Variants in NT5DC1 observed in about 807,000 individuals in gnomAD.
The protein encoded by NT5DC1 is 5'-nucleotidase domain-containing protein 1.
NT5DC1 carries 42 observed loss-of-function variants against 59.4 expected under a neutral mutation model. The observed-to-expected ratio is 0.71, with a 90% confidence interval of 0.55 to 0.92. The LOEUF (loss-of-function observed/expected upper bound fraction) is 0.92. Among genes scored for constraint, NT5DC1 ranks in the 40% least tolerant of loss-of-function variants. NT5DC1 has a pLI of 0.00. For synonymous variants in NT5DC1, 172 were observed against 188.1 expected (o/e 0.91, Z 0.70); for missense variants, 501 against 537.1 (o/e 0.93, Z 0.66).
intron 6 of NT5DC1, among the ~76,000 whole-genome samples, chr6:116,143,415 T>C (rs1023889713): frequency 1.3e-5 from 2 of 152,182 alleles, no homozygotes; most frequent in Non-Finnish European, 1.5e-5. Context: ...TGTTTCACCA[T>C]GTTGGCCAGG....
chr6:116,115,260 G>C (rs1405140155), intron 4 of NT5DC1, among the ~76,000 whole-genome samples: 4 of 151,950 alleles, frequency 2.6e-5, no homozygotes, highest in Non-Finnish European at 2.9e-5. Context: ...ATAGAATACA[G>C]TACTCTAGGA....
chr6:116,152,451 A>G (rs1353646013), intron 6 of NT5DC1, among the ~76,000 whole-genome samples: 1 of 152,072 alleles, frequency 6.6e-6, no homozygotes, highest in Non-Finnish European at 1.5e-5. Flanking sequence ...TGTGTCCTCT[A>G]GCTTTAAACT....
intron 6 of NT5DC1, among the ~76,000 whole-genome samples, chr6:116,190,260 CTATG>C (rs1321111576): frequency 6.6e-6 from 1 of 151,956 alleles, no homozygotes; most frequent in African/African-American, 2.4e-5. Flanking sequence ...TTTAAATTAT[CTATG>C]TATTTTTTCT....
chr6:116,129,635 T>C (rs1779415032), intron 6 of NT5DC1, among the ~76,000 whole-genome samples: 1 of 152,202 alleles, frequency 6.6e-6, no homozygotes, highest in African/African-American at 2.4e-5. Context: ...TGCCATCCTC[T>C]TGGACTTCCT....
intron 6 of NT5DC1, among the ~76,000 whole-genome samples, chr6:116,129,542 T>C (rs889378969): frequency 6.6e-6 from 1 of 152,176 alleles, no homozygotes; most frequent in Non-Finnish European, 1.5e-5. Context: ...CCCCTTTTGC[T>C]CTCTTGCACA....
intron 8 of NT5DC1, among the ~76,000 whole-genome samples, chr6:116,230,934 C>T (rs1782006009): frequency 6.6e-6 from 1 of 151,940 alleles, no homozygotes; most frequent in African/African-American, 2.4e-5. Flanking sequence ...TAGTCAACCC[C>T]ATCTCCACTA....
intron 6 of NT5DC1, among the ~76,000 whole-genome samples, chr6:116,219,975 A>C (rs897948319): frequency 3.3e-5 from 5 of 149,580 alleles, no homozygotes; most frequent in East Asian, 1.9e-4. Context: ...AAAAAAAAAA[A>C]AAAAAAAAAC....
At chr6:116,142,295 A>G (rs943122736) in intron 6 of NT5DC1, among the ~76,000 whole-genome samples, 15 of 151,354 alleles carry the variant, frequency 9.9e-5, no homozygotes, top group African/African-American at 3.6e-4. Context: ...TTTTTTTTTC[A>G]ATTTATTTGG....
chr6:116,210,256 G>A (rs999364069), intron 6 of NT5DC1, among the ~76,000 whole-genome samples: 12 of 151,742 alleles, frequency 7.9e-5, no homozygotes, highest in African/African-American at 2.9e-4. Context: ...TTATATGTAA[G>A]GTTCAAAAAG....
chr6:116,138,958 C>T lies in NT5DC1; in HGVS notation c.529+21013C>T, dbSNP rs1027037847. Among the ~76,000 whole-genome samples, 59 of 151,922 alleles carry T rather than the reference C, an allele frequency of 3.9e-4. 2 individuals are homozygous for T. Among genetic ancestry groups the T allele is most frequent in the Non-Finnish European group, 4.4e-5 (3 of 67,974 alleles). On this transcript the variant is annotated intron_variant, in intron 6 of 11. Coordinates refer to ENST00000319550, the MANE Select transcript of NT5DC1 (RefSeq NM_152729.3). ...TATAATTGCATTATTAGTTTTGTGA[C>T]CAGTAGGATTTGTATAATTGCAGCA...
intron 6 of NT5DC1, among the ~76,000 whole-genome samples, chr6:116,140,920 A>C (rs9320557): frequency 0.51 from 77,542 of 151,942 alleles, 20,908 homozygotes; most frequent in African/African-American, 0.69. Flanking sequence ...CTGCTCTGAA[A>C]CTTCTTGTAC....
chr6:116,241,186 TAGAGAA>T (rs1164118836), intron 11 of NT5DC1, among the ~76,000 whole-genome samples: 1 of 144,792 alleles, frequency 6.9e-6, no homozygotes, highest in Non-Finnish European at 1.5e-5. Flanking sequence ...CAGGGAATAA[TAGAGAA>T]AATGTATGTC....
intron 6 of NT5DC1, among the ~76,000 whole-genome samples, chr6:116,182,253 G>GTC (rs1286015178): frequency 6.7e-6 from 1 of 149,250 alleles, no homozygotes. Context: ...GTGTGTGTGT[G>GTC]TATCACATTT....
At chr6:116,176,713 C>G (rs1367591326) in intron 6 of NT5DC1, among the ~76,000 whole-genome samples, 1 of 152,166 alleles carries the variant, frequency 6.6e-6, no homozygotes, top group African/African-American at 2.4e-5. Context: ...TGCCCTTCCT[C>G]CAGCTGCTTA....
At chr6:116,157,777 A>G (rs1780233256) in intron 6 of NT5DC1, among the ~76,000 whole-genome samples, 1 of 152,222 alleles carries the variant, frequency 6.6e-6, no homozygotes, top group African/African-American at 2.4e-5. Flanking sequence ...AACAGACTCT[A>G]ACGGGGAAAT....
At chr6:116,203,079 C>T (rs974037669) in intron 6 of NT5DC1, among the ~76,000 whole-genome samples, 1 of 151,876 alleles carries the variant, frequency 6.6e-6, no homozygotes, top group African/African-American at 2.4e-5. Flanking sequence ...TATGGTAGGA[C>T]ACAGGAAATA....
intron 4 of NT5DC1, among the ~76,000 whole-genome samples, chr6:116,114,981 G>C (rs573708224): frequency 6.6e-6 from 1 of 152,196 alleles, no homozygotes; most frequent in African/African-American, 2.4e-5. Flanking sequence ...GCAATCAGAC[G>C]CAGGCCAAGG....
In NT5DC1 at chr6:116,106,343, C is replaced by CTTTTTTTTTTTTTTTTTTTTATTTTT. The variant is rs56295720; in HGVS notation, c.185+27_185+28insTATTTTTTTTTTTTTTTTTTTTTTTT. The CTTTTTTTTTTTTTTTTTTTTATTTTT allele has an allele frequency of 1.4e-6, 1 of 702,504 alleles. No individual in the cohort carries two copies. The highest frequency in any genetic ancestry group is 2.0e-5 in the African/African-American group (1 of 49,254). The allele number at this position is 702,504 out of a possible 1,614,324, so 43.5% of individuals were successfully genotyped here. A position where few individuals can be genotyped will look rare whatever the true frequency, so the allele number is the denominator to read the frequency against. Reference sequence around the variant, plus strand: ...AGAGGATTGGGATTTCTGGTAAGTTCTTTTTTTTTTTTTTTTTTTAAGTCT... The same window carrying CTTTTTTTTTTTTTTTTTTTTATTTTT: ...AGAGGATTGGGATTTCTGGTAAGTTCTTTTTTTTTTTTTTTTTTTTATTTTTTTTTTTTTTTTTTTTTTTTAAGTCT... On this transcript the variant is annotated intron_variant, in intron 2 of 11. Transcript: ENST00000319550.
chr6:116,188,974 C>A (rs149049431), intron 6 of NT5DC1, among the ~76,000 whole-genome samples: 14 of 151,986 alleles, frequency 9.2e-5, no homozygotes, highest in African/African-American at 3.4e-4. Flanking sequence ...AAAACATTAT[C>A]ATTGGCCCCA....
Sources: gnomAD v4.1 joint callset for allele counts (sites outside exome capture counted in the v4.1 genomes callset) on GRCh38, gnomAD v4.1.1 for gene constraint, MANE v1.5 for transcripts, NCBI Gene and HGNC (gene_info 2026-07-23, HGNC 2026-07-21) for gene names.